AGT: variants seen among roughly 807,000 people sequenced by gnomAD.
AGT encodes angiotensinogen.
In AGT, 26 loss-of-function variants were observed where a neutral mutation model predicts 28.1. That is an observed-to-expected ratio of 0.92 (90% confidence interval 0.68 to 1.28). The LOEUF is 1.28. Among genes scored for constraint, AGT ranks in the 50% most tolerant of loss-of-function variants. The pLI, the probability that AGT is intolerant of heterozygous loss-of-function variation, is 0.00. For missense variants in AGT, 596 were observed against 592.3 expected (o/e 1.01, Z -0.06); for synonymous variants, 259 against 259.6 (o/e 1.00, Z 0.02).
chr1:230,712,823 G>C (rs1298224740), intron 1 of AGT, among the ~76,000 whole-genome samples: 1 of 152,186 alleles, frequency 6.6e-6, no homozygotes, highest in Non-Finnish European at 1.5e-5. Flanking sequence ...ATGGTGCTCT[G>C]GGGTGGCGGG....
chr1:230,743,342 C>T (rs1664282548), intron 1 of AGT, among the ~76,000 whole-genome samples: 1 of 152,178 alleles, frequency 6.6e-6, no homozygotes, highest in African/African-American at 2.4e-5. Flanking sequence ...AAGTCTGCCT[C>T]TCCTCCTTCT....
chr1:230,717,364 C>T (rs1281587113), upstream of AGT, among the ~76,000 whole-genome samples: 3 of 152,082 alleles, frequency 2.0e-5, no homozygotes, highest in East Asian at 5.8e-4. Flanking sequence ...GACCACCCAG[C>T]TAGTCATGGG....
chr1:230,735,275 C>T (rs1349006473), intron 1 of AGT, among the ~76,000 whole-genome samples: 4 of 152,164 alleles, frequency 2.6e-5, no homozygotes, highest in Non-Finnish European at 5.9e-5. Context: ...GGGCACAGTG[C>T]TGTTTCTCCT....
upstream of AGT, among the ~76,000 whole-genome samples, chr1:230,718,350 A>G (rs1451244258): frequency 1.3e-5 from 2 of 152,212 alleles, no homozygotes; most frequent in East Asian, 3.8e-4. Flanking sequence ...AAGAAAATTA[A>G]CATATCCATC....
intron 1 of AGT, among the ~76,000 whole-genome samples, chr1:230,730,478 T>C (rs1664033472): frequency 6.6e-6 from 1 of 152,144 alleles, no homozygotes; most frequent in Admixed American, 6.5e-5. Flanking sequence ...AAGTCCGCAC[T>C]GCTTGAGGCT....
intron 1 of AGT, among the ~76,000 whole-genome samples, chr1:230,725,889 G>C (rs770084597): frequency 2.0e-5 from 3 of 152,158 alleles, no homozygotes; most frequent in Non-Finnish European, 4.4e-5. Context: ...CCTCCTGCCA[G>C]CCATTCCACA....
intron 3 of AGT, among the ~76,000 whole-genome samples, chr1:230,705,438 A>C (rs1222987432): frequency 6.6e-6 from 1 of 152,140 alleles, no homozygotes; most frequent in African/African-American, 2.4e-5. Context: ...GGAGCTAACA[A>C]CACCTATCCC....
In AGT at chr1:230,731,711, C is replaced by CA. The variant is rs557599016; in HGVS notation, c.-31+13803dup. Among the ~76,000 whole-genome samples, 21 of 152,104 alleles carry CA rather than the reference C, an allele frequency of 1.4e-4. No homozygotes were observed. In the East Asian group the frequency reaches 1.5e-3, roughly 11 times the overall value. The stretch of plus-strand genomic sequence containing the variant: ...TGAAACCCCGTCTCTACTAAAAATA[C>CA]AAAAAATTAGCCAGGCATGGTGGCA... On this transcript the variant is annotated intron_variant, in intron 1 of 4. Coordinates refer to the AGT transcript ENST00000681269.
At chr1:230,741,188 T>C (rs1222090089) in intron 1 of AGT, among the ~76,000 whole-genome samples, 2 of 152,210 alleles carry the variant, frequency 1.3e-5, no homozygotes, top group Non-Finnish European at 2.9e-5. Context: ...GTGAAACTAC[T>C]TCTCAGGGAC....
intron 1 of AGT, among the ~76,000 whole-genome samples, chr1:230,721,029 T>G (rs977928364): frequency 1.3e-5 from 2 of 152,222 alleles, no homozygotes; most frequent in Non-Finnish European, 2.9e-5. Flanking sequence ...GGACAGGTAG[T>G]GTGCCCCAAG....
At chr1:230,745,216 A>G (rs535714910) in intron 1 of AGT, among the ~76,000 whole-genome samples, 1 of 152,332 alleles carries the variant, frequency 6.6e-6, no homozygotes, top group African/African-American at 2.4e-5. Context: ...GAAATTCAGC[A>G]GCATCTGTGG....
At chr1:230,719,583 A>G (rs1347278506) in intron 1 of AGT, among the ~76,000 whole-genome samples, 4 of 151,548 alleles carry the variant, frequency 2.6e-5, no homozygotes, top group African/African-American at 9.7e-5. Flanking sequence ...AATTTTTTGT[A>G]TTTTTAGTAG....
At chr1:230,734,601 G>GGT (rs551124600) in intron 1 of AGT, among the ~76,000 whole-genome samples, 2 of 134,052 alleles carry the variant, frequency 1.5e-5, no homozygotes, top group East Asian at 3.4e-4. Flanking sequence ...ATATATATAT[G>GGT]GTGTGTGTAT....
chr1:230,724,943 G>T (rs1009575161), intron 1 of AGT, among the ~76,000 whole-genome samples: 1 of 152,116 alleles, frequency 6.6e-6, no homozygotes, highest in Non-Finnish European at 1.5e-5. Flanking sequence ...TTTGGATCTG[G>T]CCATAAAAGA....
At chr1:230,714,997 C>A (rs1385808401), upstream of AGT, among the ~76,000 whole-genome samples, 1 of 152,056 alleles carries the variant, frequency 6.6e-6, no homozygotes, top group African/African-American at 2.4e-5. Flanking sequence ...ATGTGTCCAG[C>A]CTTAAATACA....
chr1:230,724,833 C>G (rs1663910550), intron 1 of AGT, among the ~76,000 whole-genome samples: 1 of 152,038 alleles, frequency 6.6e-6, no homozygotes, highest in South Asian at 2.1e-4. Flanking sequence ...CACAAACAAA[C>G]AAACAAACAG....
chr1:230,710,266 G>T lies in AGT; in HGVS notation c.558C>A (p.Gly186=), dbSNP rs758187183. ...QAVQGLLVAQ[G]RADSQAQLLL... The stretch of plus-strand genomic sequence containing the variant: ...GCAGCTGGGCCTGGCTATCAGCCCT[G>T]CCCTGGGCCACTAGCAGGCCCTGTA... The change falls in exon 2 of 5, where the codon GGC becomes GGA. Residue 186 remains glycine (G), a synonymous_variant. Transcript: ENST00000366667. 6.2e-7 allele frequency: 1 copy of T among 1,613,668 alleles called. No homozygotes were observed. The highest frequency in any genetic ancestry group is 2.2e-5 in the East Asian group (1 of 44,894).
chr1:230,706,239 C>T, intron 2 of AGT, 39 bp from the exon 3 acceptor site: 3 of 1,606,670 alleles, frequency 1.9e-6, no homozygotes, highest in Non-Finnish European at 2.6e-6. Flanking sequence ...AAGAGTCACC[C>T]AAGACAGGGG....
At chr1:230,742,539 A>C (rs920939583) in intron 1 of AGT, among the ~76,000 whole-genome samples, 5 of 151,634 alleles carry the variant, frequency 3.3e-5, no homozygotes, top group Non-Finnish European at 7.4e-5. Context: ...CTGGTCTTGA[A>C]CTCCTGACCT....
Sources: gnomAD v4.1 joint callset for allele counts (sites outside exome capture counted in the v4.1 genomes callset) on GRCh38, gnomAD v4.1.1 for gene constraint, MANE v1.5 for transcripts, NCBI Gene and HGNC (gene_info 2026-07-23, HGNC 2026-07-21) for gene names.